CCT6B: variants seen among roughly 807,000 people sequenced by gnomAD.
CCT6B encodes the protein probable T-complex protein 1 subunit zeta-2.
CCT6B carries 49 observed loss-of-function variants against 61.5 expected under a neutral mutation model. That is an observed-to-expected ratio of 0.80 (90% CI 0.63 to 1.01). The LOEUF is 1.01. Ranked by LOEUF, CCT6B falls within the 50% of genes least tolerant of loss-of-function variation. CCT6B has a pLI of 0.00. For missense variants in CCT6B, 666 were observed against 634.7 expected, an observed-to-expected ratio of 1.05 and a Z score of -0.53; for synonymous variants, 228 against 214.5, an observed-to-expected ratio of 1.06 and a Z score of -0.55.
chr17:34,938,369 C>T (rs1455882770), intron 10 of CCT6B, among the ~76,000 whole-genome samples: 2 of 151,968 alleles, frequency 1.3e-5, no homozygotes, highest in African/African-American at 4.8e-5. Context: ...GAGTTCAAGA[C>T]CAGCCTGGGC....
chr17:34,935,320 A>C (rs2090081658), intron 10 of CCT6B, among the ~76,000 whole-genome samples: 1 of 152,136 alleles, frequency 6.6e-6, no homozygotes, highest in African/African-American at 2.4e-5. Context: ...AGTTCTGGAG[A>C]TGGGTGGTGA....
rs79648044 is a variant in CCT6B at position 34,928,766 on chromosome 17, A to G, written c.1523+196T>C. Among the ~76,000 whole-genome samples the G allele has an allele frequency of 6.9e-3, 1,050 of 152,262 alleles. 15 individuals carry two copies. Among genetic ancestry groups the G allele is most frequent in the African/African-American group, 0.023 (969 of 41,548 alleles). On this transcript the variant is annotated intron_variant, in intron 13 of 13. Transcript: ENST00000314144. The stretch of plus-strand genomic sequence containing the variant: ...AGGTTAATTTTTCTTAGAACTTAAC[A>G]CTGCTAGATCTAAAATATAAAAGGG...
intron 10 of CCT6B, among the ~76,000 whole-genome samples, chr17:34,938,327 G>A (rs927443476): frequency 6.6e-6 from 1 of 152,182 alleles, no homozygotes. Context: ...AGCACTCTGG[G>A]AGGCTGAAGG....
chr17:34,936,374 G>C (rs1183676025), intron 10 of CCT6B, among the ~76,000 whole-genome samples: 1 of 152,146 alleles, frequency 6.6e-6, no homozygotes, highest in Non-Finnish European at 1.5e-5. Flanking sequence ...TTCCCCCTAA[G>C]ATCAGCGATG....
intron 10 of CCT6B, among the ~76,000 whole-genome samples, chr17:34,936,081 G>A (rs761956540): frequency 4.6e-5 from 7 of 152,092 alleles, no homozygotes; most frequent in Non-Finnish European, 8.8e-5. Context: ...CTCACGAGAA[G>A]CTGAGATTGC....
intron 4 of CCT6B, among the ~76,000 whole-genome samples, chr17:34,952,357 G>A (rs562573822): frequency 5.3e-5 from 8 of 152,120 alleles, no homozygotes; most frequent in Non-Finnish European, 1.0e-4. Flanking sequence ...TAACAGGGCC[G>A]GGACTAGAAT....
rs1445009243 is a variant in CCT6B, at chr17:34,942,817, A to G, written c.704T>C (p.Val235Ala). 3.7e-6 allele frequency: 6 copies of G among 1,607,066 alleles called. No homozygotes were observed. Among genetic ancestry groups the G allele is most frequent in the Non-Finnish European group, 5.1e-6 (6 of 1,176,396 alleles). ...VEDAFILICN[V>A]SLEYEKTEVN... Reference sequence around the variant, plus strand: ...GCACGTTTTTTCATATTCCAGTGAAACGTTGCAAATAAGGATAAATGCATC... The same window carrying G: ...GCACGTTTTTTCATATTCCAGTGAAGCGTTGCAAATAAGGATAAATGCATC... The change falls in exon 6 of 14, where the codon GTT becomes GCT. Residue 235 changes from valine (V) to alanine (A), a missense_variant. Physicochemically the swap from Val to Ala is moderately conservative, Grantham distance 64. Transcript: ENST00000314144.
chr17:34,947,341 T>C (rs2090235367), intron 5 of CCT6B, among the ~76,000 whole-genome samples: 1 of 151,992 alleles, frequency 6.6e-6, no homozygotes. Flanking sequence ...AAGAAATCCA[T>C]ACCTAGCTAC....
chr17:34,942,622 A>G lies in CCT6B; in HGVS notation c.747T>C (p.Phe249=), dbSNP rs1481144223. ...YEKTEVNSGF[F]YKTAEEKEKL... ...TCTCTTTCTCTTCTGCAGTCTTATA[A>G]AAGAAACCAGAGTTCACCTCTCTAA... The change falls in exon 7 of 14, where the codon TTT becomes TTC. Residue 249 remains phenylalanine, a synonymous_variant. Coordinates refer to ENST00000314144, the MANE Select transcript of CCT6B (RefSeq NM_006584.4). 1.3e-6 allele frequency: 2 copies of G among 1,595,318 alleles called. No homozygotes were observed.
rs565446526 is a variant in CCT6B, at chr17:34,931,357, T to G, written c.1348-306A>C. On this transcript the variant is annotated intron_variant, in intron 11 of 13. Transcript: ENST00000314144. ...AAAGGTTTGTTTTGTTTTGTTTTGT[T>G]TTTAGTATGGAAGGAAGTAGAATGA... Among the ~76,000 whole-genome samples the G allele has an allele frequency of 3.7e-3, 566 of 152,276 alleles. 3 individuals are homozygous for G. Among genetic ancestry groups the G allele is most frequent in the African/African-American group, 0.012 (515 of 41,564 alleles).
At chr17:34,936,591 C>T (rs1407064821) in intron 10 of CCT6B, among the ~76,000 whole-genome samples, 1 of 151,952 alleles carries the variant, frequency 6.6e-6, no homozygotes, top group Non-Finnish European at 1.5e-5. Context: ...AATTCAAGAT[C>T]AATGTACAAA....
intron 3 of CCT6B, among the ~76,000 whole-genome samples, chr17:34,958,222 T>C (rs2090369721): frequency 6.6e-6 from 1 of 152,156 alleles, no homozygotes. Flanking sequence ...GGCAGGTGGA[T>C]CACCTGAGGT....
chr17:34,928,218 T>C (rs1030649047), intron 13 of CCT6B, 101 bp from the exon 14 acceptor site: 26 of 637,990 alleles, frequency 4.1e-5, no homozygotes, highest in Non-Finnish European at 2.8e-6. Context: ...TCTTTAATGA[T>C]GTTAGTATGA....
chr17:34,938,904 G>A (rs879557754), intron 10 of CCT6B, among the ~76,000 whole-genome samples: 4 of 152,172 alleles, frequency 2.6e-5, no homozygotes, highest in Middle Eastern at 3.4e-3. Flanking sequence ...CCAACATGGC[G>A]AAACCCCATC....
In CCT6B at chr17:34,954,501, T is replaced by C. The variant is rs1427229840; in HGVS notation, c.435A>G (p.Arg145=). 1 of 1,613,768 alleles carries C rather than the reference T, an allele frequency of 6.2e-7. No individual in the cohort carries two copies. The highest frequency in any genetic ancestry group is 1.1e-5 in the South Asian group (1 of 91,042). ...EEVKVTKEMK[R]KILLDVARTS... ...TTCTAGCTACATCTAAGAGGATTTT[T>C]CTTTTCATCTCCTTTGTCACTTTAA... The change falls in exon 4 of 14, where the codon AGA becomes AGG. Residue 145 remains arginine, a synonymous_variant. Transcript: ENST00000314144.
In CCT6B at chr17:34,942,600, CTT is replaced by C; in HGVS notation, c.767_768del (p.Lys256ArgfsTer7). 1 of 1,606,750 alleles carries C rather than the reference CTT, an allele frequency of 6.2e-7. No individual in the cohort carries two copies. Among genetic ancestry groups the C allele is most frequent in the African/African-American group, 1.3e-5 (1 of 74,514 alleles). On this transcript the variant is annotated frameshift_variant, in exon 7 of 14. Coordinates refer to ENST00000314144, the MANE Select transcript of CCT6B (RefSeq NM_006584.4). LOFTEE classifies it high-confidence loss of function. ...SGFFYKTAEE[K>X]EKLVKAERKF... ...TTTCTTTCAGCTTTTACCAATTTCT[CTT>C]TCTCTTCTGCAGTCTTATAAAAGAA... is the stretch of plus-strand genomic sequence containing the variant.
chr17:34,937,036 T>C (rs2090102427), intron 10 of CCT6B, among the ~76,000 whole-genome samples: 1 of 152,032 alleles, frequency 6.6e-6, no homozygotes. Context: ...TGCATGCTTG[T>C]GGTTCCAGCT....
intron 5 of CCT6B, among the ~76,000 whole-genome samples, chr17:34,946,103 A>G (rs891961328): frequency 1.3e-5 from 2 of 152,230 alleles, no homozygotes; most frequent in South Asian, 2.1e-4. Flanking sequence ...GCTAGAAATA[A>G]TCAGCCCTCA....
At chr17:34,957,936 T>C (rs2090366594) in intron 3 of CCT6B, among the ~76,000 whole-genome samples, 1 of 152,092 alleles carries the variant, frequency 6.6e-6, no homozygotes. Context: ...TTTTCTCCAG[T>C]GGTTTTATAA....
Sources: allele counts gnomAD v4.1 joint callset (sites outside exome capture counted in the v4.1 genomes callset), GRCh38; gene constraint gnomAD v4.1.1; transcripts MANE v1.5; gene names NCBI Gene and HGNC (gene_info 2026-07-23, HGNC 2026-07-21).